The following GRIA2 variants were observed in gnomAD, a reference collection of about 807,000 sequenced individuals.
The protein encoded by GRIA2 is glutamate ionotropic receptor AMPA type subunit 2, also known as glutamate receptor 2.
GRIA2 carries 14 observed loss-of-function variants against 97.3 expected under a neutral mutation model. That is an observed-to-expected ratio of 0.14 (90% CI 0.10 to 0.23). The LOEUF (loss-of-function observed/expected upper bound fraction) is 0.23. Ranked by LOEUF, GRIA2 falls within the 10% of genes least tolerant of loss-of-function variation. The probability of loss-of-function intolerance (pLI) is 1.00; values close to 1 mark genes in which losing one functional copy is unlikely to be tolerated. For synonymous variants in GRIA2, 412 were observed against 387.8 expected (o/e 1.06, Z -0.73); for missense variants, 558 against 1,069.8 (o/e 0.52, Z 6.67).
chr4:157,240,938 C>T (rs1730481971), intron 2 of GRIA2, among the ~76,000 whole-genome samples: 1 of 151,740 alleles, frequency 6.6e-6, no homozygotes, highest in Non-Finnish European at 1.5e-5. Flanking sequence ...CAGTTCCCAC[C>T]TATGAGTGAG....
chr4:157,315,770 A>C (rs1175163415), intron 4 of GRIA2, among the ~76,000 whole-genome samples: 1 of 152,024 alleles, frequency 6.6e-6, no homozygotes, highest in Admixed American at 6.6e-5. Flanking sequence ...CGAACTCCTG[A>C]CCTCATGATC....
rs761885028 is a variant in GRIA2 at position 157,335,725 on chromosome 4, C to T, written c.1321C>T (p.Arg441Cys). The T allele has an allele frequency of 3.7e-6, 6 of 1,611,994 alleles. No homozygotes were observed. The highest frequency in any genetic ancestry group is 2.2e-5 in the East Asian group (1 of 44,820). ...TCATGAAATGCTTGAAGGCAATGAG[C>T]GCTATGAGGGCTACTGTGTTGACCT... ...KNHEMLEGNE[R>C]YEGYCVDLAA... Residue 441 changes from arginine to cysteine, a missense_variant, in exon 10 of 16, where the codon CGC becomes TGC. Physicochemically the swap from Arg to Cys is radical, Grantham distance 180 (BLOSUM62 -3). This residue lies in a region of GRIA2 where 41 missense variants were observed against 102.2 expected (regional missense o/e 0.40). Transcript: ENST00000264426.
At chr4:157,256,374 CTTTA>C (rs751928658) in intron 2 of GRIA2, among the ~76,000 whole-genome samples, 2 of 146,582 alleles carry the variant, frequency 1.4e-5, no homozygotes, top group Non-Finnish European at 3.0e-5. Flanking sequence ...TATGTGTTTT[CTTTA>C]TTTTTTAACA....
In GRIA2 at chr4:157,321,445, C is replaced by A; in HGVS notation, c.728C>A (p.Thr243Asn). ...AATGTGTTCTATGTTTAGGGATTTA[C>A]TGATGGAGACCTATTAAAAATCCAG... ...YHYIIANLGFTDGDLLKIQFG... is the reference protein window; with the variant it reads ...YHYIIANLGFNDGDLLKIQFG... Residue 243 changes from threonine to asparagine, a missense_variant, in exon 6 of 16, where the codon ACT (threonine) becomes AAT (asparagine). Thr to Asn is a moderately conservative substitution (Grantham distance 65, BLOSUM62 0). Transcript: ENST00000264426. 2 of 1,605,628 alleles carry A rather than the reference C, an allele frequency of 1.2e-6. No homozygotes were observed. The highest frequency in any genetic ancestry group is 1.7e-6 in the Non-Finnish European group (2 of 1,175,290).
chr4:157,335,357 T>C (rs956110033), intron 9 of GRIA2: 5 of 330,522 alleles, frequency 1.5e-5, no homozygotes, highest in Non-Finnish European at 2.9e-5. Flanking sequence ...TTTTGAGCAG[T>C]AATATTTTGC....
intron 1 of GRIA2, 63 bp downstream of exon 1, chr4:157,221,193 G>C (rs1232682175): frequency 2.3e-6 from 2 of 866,186 alleles, no homozygotes; most frequent in East Asian, 4.8e-5. Context: ...TTTGTTCACA[G>C]TGTACAAATT....
chr4:157,339,018 A>G (rs1412981075), intron 11 of GRIA2, among the ~76,000 whole-genome samples: 1 of 151,952 alleles, frequency 6.6e-6, no homozygotes, highest in Non-Finnish European at 1.5e-5. Flanking sequence ...TATTAATGTT[A>G]ATAGGACACA....
At chr4:157,221,516 T>G (rs1028848693) in intron 1 of GRIA2, 151 bp from the exon 2 acceptor site, 9 of 789,040 alleles carry the variant, frequency 1.1e-5, no homozygotes, top group African/African-American at 1.7e-5. Flanking sequence ...CTTTTGGATA[T>G]TCCACCCCCG....
chr4:157,263,164 A>G (rs922751075), intron 2 of GRIA2, among the ~76,000 whole-genome samples: 1 of 152,070 alleles, frequency 6.6e-6, no homozygotes, highest in African/African-American at 2.4e-5. Flanking sequence ...TAAGCTCTTC[A>G]ATTTAAAGTG....
chr4:157,342,017 G>C (rs563161661), intron 12 of GRIA2: 16 of 365,522 alleles, frequency 4.4e-5, no homozygotes, highest in African/African-American at 3.3e-4. Context: ...TTAGATGTAG[G>C]TTACTTTTTT....
At position 157,221,759 on chromosome 4, in the gene GRIA2, C is replaced by G. The variant is rs1382861956; in HGVS notation, c.181C>G (p.His61Asp). 1 of 1,613,708 alleles carries G rather than the reference C, an allele frequency of 6.2e-7. No individual in the cohort carries two copies. The highest frequency in any genetic ancestry group is 8.5e-7 in the Non-Finnish European group (1 of 1,179,770). The change falls in exon 2 of 16, where the codon CAC (histidine) becomes GAC (aspartate). Residue 61 changes from histidine to aspartate, a missense_variant. His to Asp is a moderately conservative substitution (Grantham distance 81). Transcript: ENST00000264426. ...FSTSEFRLTP[H>D]IDNLEVANSF... ...CACTTCGGAGTTCAGACTGACACCC[C>G]ACATCGACAATTTGGAGGTGGCAAA...
Position 157,317,678 on chromosome 4 carries a change from T to C in GRIA2, c.687T>C (p.His229=), listed in dbSNP as rs4302506. The C allele has an allele frequency of 0.63, 764,092 of 1,208,880 alleles. 246,102 individuals carry two copies. Among genetic ancestry groups the C allele is most frequent in the East Asian group, 0.84 (34,927 of 41,738 alleles). 74.9% of individuals were successfully genotyped at this position (1,208,880 alleles called of 1,614,324 possible). The change falls in exon 5 of 16, where the codon CAT becomes CAC. Residue 229 remains histidine, a synonymous_variant. Transcript: ENST00000264426. ...IVDQVITIGK[H]VKGYHYIIAN... ...ATTAGGTTATTACCATTGGAAAACA[T>C]GTTAAAGGGTACCACTACATCATTG...
Position 157,346,062 on chromosome 4 carries a change from T to A in GRIA2, c.2043+4600T>A, listed in dbSNP as rs972467106. 2.0e-5 allele frequency among the ~76,000 whole-genome samples: 3 copies of A among 152,160 alleles called. No homozygotes were observed. In the East Asian group the frequency reaches 5.8e-4, roughly 29 times the overall value. On this transcript the variant is annotated intron_variant, in intron 12 of 15. Transcript: ENST00000264426. ...AATAATTAGTTTGAAATTTTCCATA[T>A]GCATACATTGTCTACTATATAATCA...
chr4:157,235,119 A>G (rs1013343632), intron 2 of GRIA2, among the ~76,000 whole-genome samples: 12 of 152,146 alleles, frequency 7.9e-5, no homozygotes, highest in African/African-American at 2.9e-4. Flanking sequence ...CAACAGTTAT[A>G]TCCATGACTT....
At chr4:157,240,183 A>C (rs1306974485) in intron 2 of GRIA2, among the ~76,000 whole-genome samples, 1 of 152,154 alleles carries the variant, frequency 6.6e-6, no homozygotes, top group African/African-American at 2.4e-5. Context: ...ATGTATATGC[A>C]TGGGTGTGTG....
chr4:157,362,318 T>A, intron 14 of GRIA2: 1 of 448,816 alleles, frequency 2.2e-6, no homozygotes, highest in Non-Finnish European at 4.5e-6. Flanking sequence ...GGATTGGAAA[T>A]GTGGTCAGTC....
At chr4:157,314,921 T>C (rs1734244013) in intron 4 of GRIA2, among the ~76,000 whole-genome samples, 1 of 152,170 alleles carries the variant, frequency 6.6e-6, no homozygotes, top group African/African-American at 2.4e-5. Flanking sequence ...CTGCATCCCA[T>C]GAACTCATTG....
In GRIA2 at chr4:157,336,461, G is replaced by A. The variant is rs753642820; in HGVS notation, c.1558G>A (p.Gly520Arg). 1 of 1,612,756 alleles carries A rather than the reference G, an allele frequency of 6.2e-7. No individual in the cohort carries two copies. ...IDFSKPFMSL[G>R]ISIMIKKPQK... is the part of the protein sequence containing the mutation. ...CTTCTCAAAGCCCTTCATGAGCCTC[G>A]GGATATCTATCATGATCAAGAAGCC... Residue 520 changes from glycine (G) to arginine (R), a missense_variant, in exon 11 of 16, where the codon GGG becomes AGG. Physicochemically the swap from Gly to Arg is moderately radical, Grantham distance 125. Coordinates refer to ENST00000264426, the MANE Select transcript of GRIA2 (RefSeq NM_001083619.3).
At chr4:157,235,655 A>G (rs764227125) in intron 2 of GRIA2, among the ~76,000 whole-genome samples, 31 of 152,068 alleles carry the variant, frequency 2.0e-4, no homozygotes, top group Non-Finnish European at 3.8e-4. Flanking sequence ...TAACAAACTA[A>G]TAATGCCAAT....
Sources: allele counts gnomAD v4.1 joint callset (sites outside exome capture counted in the v4.1 genomes callset), GRCh38; gene constraint gnomAD v4.1.1; regional missense constraint gnomAD v4.1.1; transcripts MANE v1.5; gene names NCBI Gene and HGNC (gene_info 2026-07-23, HGNC 2026-07-21).